Variants in THBS2 observed in about 807,000 individuals in gnomAD.
THBS2 encodes thrombospondin-2.
A neutral mutation model predicts 135.2 loss-of-function variants in THBS2; 47 were observed. The observed-to-expected ratio is 0.35, with a 90% CI of 0.28 to 0.44. The LOEUF is 0.44. Ranked by LOEUF, THBS2 falls within the 20% of genes least tolerant of loss-of-function variation. The probability of loss-of-function intolerance (pLI) is 1.00; values close to 1 mark genes in which losing one functional copy is unlikely to be tolerated. For missense variants in THBS2, 1,288 were observed against 1,603.1 expected, an observed-to-expected ratio of 0.80 and a Z score of 3.36; for synonymous variants, 639 against 633.8, an observed-to-expected ratio of 1.01 and a Z score of -0.12.
Position 169,241,749 on chromosome 6 carries a change from C to T in THBS2, c.891+13G>A, listed in dbSNP as rs375715721. ...TGCCCTATGACCCCCGCGGCCCCTGCGTGAGTACCCACCACTCTCTTGAGG... is the reference window on the plus strand; with the variant it reads ...TGCCCTATGACCCCCGCGGCCCCTGTGTGAGTACCCACCACTCTCTTGAGG... On this transcript the variant is annotated intron_variant, in intron 5 of 21. Coordinates refer to ENST00000617924, the MANE Select transcript of THBS2 (RefSeq NM_003247.5). This position sits in a 1 kb window ranked among gnomAD's most constrained non-coding sequence, Gnocchi z 5.5. 7.5e-6 allele frequency: 12 copies of T among 1,592,868 alleles called. No homozygotes were observed. The highest frequency in any genetic ancestry group is 5.4e-5 in the African/African-American group (4 of 74,608).
rs184148566 is a variant in THBS2 at position 169,253,541 on chromosome 6, C to T, written c.-23+183G>A. 2.1e-3 allele frequency among the ~76,000 whole-genome samples: 313 copies of T among 152,292 alleles called. 2 individuals carry two copies. The highest frequency in any genetic ancestry group is 7.2e-3 in the African/African-American group (299 of 41,554). On this transcript the variant is annotated intron_variant, in intron 1 of 21. Coordinates refer to ENST00000617924, the MANE Select transcript of THBS2 (RefSeq NM_003247.5). ...GCGGCCACGTGCCTTGCTCTTCAAG[C>T]GGGCAGTAGAAACACCACGTGAAGA...
At chr6:169,239,392 C>T (rs371323253) in intron 7 of THBS2, 1 of 581,158 alleles carries the variant, frequency 1.7e-6, no homozygotes, top group Non-Finnish European at 3.0e-6. Context: ...CCCACCCCCG[C>T]GTTCCCAGGG....
chr6:169,225,475 G>C lies in THBS2; in HGVS notation c.2539-96C>G, dbSNP rs1213726520. Reference sequence around the variant, plus strand: ...CGCAAGCCTGAGAGCCGGCCTCCTCGTCCTGCAGCACAAGCCCCAGGGCCA... The same window carrying C: ...CGCAAGCCTGAGAGCCGGCCTCCTCCTCCTGCAGCACAAGCCCCAGGGCCA... On this transcript the variant is annotated intron_variant, in intron 16 of 21. Coordinates refer to ENST00000617924, the MANE Select transcript of THBS2 (RefSeq NM_003247.5). 5.5e-6 allele frequency: 7 copies of C among 1,264,986 alleles called. No individual in the cohort carries two copies. In the South Asian group the frequency reaches 5.6e-5, roughly 10 times the overall value. 78.4% of individuals were successfully genotyped at this position (1,264,986 alleles called of 1,614,324 possible).
rs200191335 is a variant in THBS2 at position 169,228,218 on chromosome 6, G to A, written c.2323C>T (p.Arg775Cys). The A allele has an allele frequency of 4.9e-5, 79 of 1,614,154 alleles. No homozygotes were observed. Among genetic ancestry groups the A allele is most frequent in the Admixed American group, 3.0e-4 (18 of 60,010 alleles). The part of the protein sequence containing the change: ...ADYDKDEVGD[R>C]CDNCPYVHNP... ...TGCACGTAAGGGCAGTTGTCACAGCGGTCCCCAACCTCATCCTTGTCATAG... is the reference window on the plus strand; with the variant it reads ...TGCACGTAAGGGCAGTTGTCACAGCAGTCCCCAACCTCATCCTTGTCATAG... Residue 775 changes from arginine to cysteine, a missense_variant, in exon 15 of 22, where the codon CGC becomes TGC. By Grantham distance (180) the Arg-to-Cys change is radical. Around this residue, in one of 2 missense-constraint regions of THBS2, gnomAD observed 874 missense variants for 1,156.1 expected, o/e 0.76. Coordinates refer to ENST00000617924, the MANE Select transcript of THBS2 (RefSeq NM_003247.5).
In THBS2 at chr6:169,217,709, G is replaced by A; in HGVS notation, c.*113C>T. 8.0e-7 allele frequency: 1 copy of A among 1,248,480 alleles called. No homozygotes were observed. The highest frequency in any genetic ancestry group is 1.1e-6 in the Non-Finnish European group (1 of 891,084). 77.3% of individuals were successfully genotyped at this position (1,248,480 alleles called of 1,614,324 possible). A position where few individuals can be genotyped will look rare whatever the true frequency, so the allele number is the denominator to read the frequency against. On this transcript the variant is annotated 3_prime_UTR_variant, in exon 22 of 22. Coordinates refer to ENST00000617924, the MANE Select transcript of THBS2 (RefSeq NM_003247.5). Reference sequence around the variant, plus strand: ...GAGGTGAAGAACCATCAGAGTTAAGGTCAAGGGACAGGAGGTGCTGCTAGA... The same window carrying A: ...GAGGTGAAGAACCATCAGAGTTAAGATCAAGGGACAGGAGGTGCTGCTAGA...
chr6:169,249,669 T>C (rs1430158424), intron 2 of THBS2, among the ~76,000 whole-genome samples: 2 of 152,148 alleles, frequency 1.3e-5, no homozygotes, highest in African/African-American at 4.8e-5. Context: ...CAGAAACAAA[T>C]GGTTTTAAGT....
rs1373966855 is a variant in THBS2 at position 169,248,908 on chromosome 6, T to G, written c.118A>C (p.Ile40Leu). The G allele has an allele frequency of 6.2e-7, 1 of 1,613,568 alleles. No homozygotes were observed. Among genetic ancestry groups the G allele is most frequent in the East Asian group, 2.2e-5 (1 of 44,844 alleles). Reference protein sequence around the residue: ...FSISNINRKTIGAKQFRGPDP... With the variant: ...FSISNINRKTLGAKQFRGPDP... ...GGCCCGCGGAACTGCTTGGCGCCAA[T>G]GGTCTTGCGGTTGATGTTGCTGATA... The change falls in exon 3 of 22, where the codon ATT becomes CTT. Residue 40 changes from isoleucine to leucine, a missense_variant. Around this residue, in one of 2 missense-constraint regions of THBS2, gnomAD observed 414 missense variants for 447.0 expected, o/e 0.93. Coordinates refer to ENST00000617924, the MANE Select transcript of THBS2 (RefSeq NM_003247.5).
intron 4 of THBS2, chr6:169,245,956 T>C: frequency 2.7e-6 from 1 of 369,030 alleles, no homozygotes; most frequent in Non-Finnish European, 4.9e-6. Flanking sequence ...ATAATAAAAT[T>C]ATTTGGATGA....
chr6:169,240,177 C>G (rs1210752393), intron 6 of THBS2, among the ~76,000 whole-genome samples: 1 of 152,218 alleles, frequency 6.6e-6, no homozygotes, highest in African/African-American at 2.4e-5. Context: ...AGGGCCATGT[C>G]TGGCTTCTCT....
Position 169,248,934 on chromosome 6 carries a change from C to T in THBS2, c.92G>A (p.Ser31Asn), listed in dbSNP as rs1415241186. ...QDKDTTFDLF[S>N]ISNINRKTIG... Reference sequence around the variant, plus strand: ...GGTCTTGCGGTTGATGTTGCTGATACTGAAAAGGTCGAAGGTCGTGTCTTT... The same window carrying T: ...GGTCTTGCGGTTGATGTTGCTGATATTGAAAAGGTCGAAGGTCGTGTCTTT... Residue 31 changes from serine to asparagine, a missense_variant, in exon 3 of 22, where the codon AGT (serine) becomes AAT (asparagine). Ser to Asn is a conservative substitution (Grantham distance 46, BLOSUM62 1). Coordinates refer to ENST00000617924, the MANE Select transcript of THBS2 (RefSeq NM_003247.5). The T allele has an allele frequency of 3.1e-6, 5 of 1,612,646 alleles. No homozygotes were observed. Among genetic ancestry groups the T allele is most frequent in the Non-Finnish European group, 4.2e-6 (5 of 1,179,246 alleles).
chr6:169,217,610 T>C lies in THBS2; in HGVS notation c.*212A>G. ...ATATCACCAAACTGGTTTCCTCTAG[T>C]GGGTTAGATGTTCATCTCTGAGTTC... is the stretch of plus-strand genomic sequence containing the variant. On this transcript the variant is annotated 3_prime_UTR_variant, in exon 22 of 22. Coordinates refer to ENST00000617924, the MANE Select transcript of THBS2 (RefSeq NM_003247.5). 3.9e-6 allele frequency: 2 copies of C among 506,850 alleles called. No individual in the cohort carries two copies. The highest frequency in any genetic ancestry group is 7.0e-6 in the Non-Finnish European group (2 of 283,696). The allele number at this position is 506,850 out of a possible 1,614,324, so 31.4% of individuals were successfully genotyped here. A position where few individuals can be genotyped will look rare whatever the true frequency, so the allele number is the denominator to read the frequency against.
At chr6:169,240,216 C>T (rs554630010) in intron 6 of THBS2, among the ~76,000 whole-genome samples, 2 of 152,310 alleles carry the variant, frequency 1.3e-5, no homozygotes, top group South Asian at 2.1e-4. Context: ...CAACTGGGGA[C>T]GCTGGCCAGG....
chr6:169,239,570 G>A (rs759095440), intron 7 of THBS2, 29 bp downstream of exon 7: 137 of 1,555,202 alleles, frequency 8.8e-5, no homozygotes, highest in Non-Finnish European at 1.1e-4. Context: ...TAAAAATGCA[G>A]GATGCGCTTG....
At chr6:169,223,177 G>A in intron 18 of THBS2, 71 bp downstream of exon 18, 1 of 1,407,714 alleles carries the variant, frequency 7.1e-7, no homozygotes, top group Middle Eastern at 2.5e-4. Context: ...ATCTTAAAGT[G>A]CAGTCTGCAT....
At position 169,239,652 on chromosome 6, in the gene THBS2, G is replaced by C. The variant is rs375599652; in HGVS notation, c.1076C>G (p.Thr359Ser). The C allele has an allele frequency of 6.2e-7, 1 of 1,606,292 alleles. No homozygotes were observed. Among genetic ancestry groups the C allele is most frequent in the Non-Finnish European group, 8.5e-7 (1 of 1,176,964 alleles). Reference protein sequence around the residue: ...ICHQITCPPATCASPSFVEGE... With the variant: ...ICHQITCPPASCASPSFVEGE... Reference sequence around the variant, plus strand: ...TTCCACAAAGGATGGACTGGCGCAGGTTGCAGGCGGGCAGGTGATTTGGTG... The same window carrying C: ...TTCCACAAAGGATGGACTGGCGCAGCTTGCAGGCGGGCAGGTGATTTGGTG... The change falls in exon 7 of 22, where the codon ACC becomes AGC. Residue 359 changes from threonine to serine, a missense_variant. Physicochemically the swap from Thr to Ser is moderately conservative, Grantham distance 58 (BLOSUM62 1). Transcript: ENST00000617924.
chr6:169,243,118 TACCTTCCC>T (rs1417948887), intron 4 of THBS2, among the ~76,000 whole-genome samples: 1 of 11,338 alleles, frequency 8.8e-5, no homozygotes, highest in African/African-American at 3.7e-4. Context: ...CCACCACTCC[TACCTTCCC>T]ACCTTCCCAC....
At position 169,241,625 on chromosome 6, in the gene THBS2, C is replaced by G; in HGVS notation, c.891+137G>C. ...AGGATCCTGAGGAGCCCGGCAGACA[C>G]CTCCCCTGTGAACTGTGGGTTTTTA... is the stretch of plus-strand genomic sequence containing the variant. On this transcript the variant is annotated intron_variant, in intron 5 of 21. Transcript: ENST00000617924. This position sits in a 1 kb window ranked among gnomAD's most constrained non-coding sequence, Gnocchi z 5.5. The G allele has an allele frequency of 2.3e-6, 2 of 852,974 alleles. No homozygotes were observed. Among genetic ancestry groups the G allele is most frequent in the East Asian group, 2.5e-5 (1 of 39,540 alleles). The allele number at this position is 852,974 out of a possible 1,614,324, so 52.8% of individuals were successfully genotyped here.
chr6:169,248,861 G>A lies in THBS2; in HGVS notation c.165C>T (p.Tyr55=). 1 of 1,612,188 alleles carries A rather than the reference G, an allele frequency of 6.2e-7. No homozygotes were observed. The highest frequency in any genetic ancestry group is 8.5e-7 in the Non-Finnish European group (1 of 1,180,022). The change falls in exon 3 of 22, where the codon TAC becomes TAT. Residue 55 remains tyrosine (Y), a synonymous_variant. Coordinates refer to ENST00000617924, the MANE Select transcript of THBS2 (RefSeq NM_003247.5). ...GGATGTAGTCAAAGCGCACGAAGCG[G>A]TAAGCCGGCACGCCGGGGTCGGGCC... The part of the protein sequence containing the change: ...FRGPDPGVPA[Y]RFVRFDYIPP...
chr6:169,216,452 A>AACTT lies in THBS2; in HGVS notation c.*1366_*1369dup, dbSNP rs1472103172. ...AACAAAAAAAACAAAAACAAAAACA[A>AACTT]ACTTGTGCATATTACACATGACTGA... On this transcript the variant is annotated 3_prime_UTR_variant, in exon 22 of 22. Coordinates refer to ENST00000617924, the MANE Select transcript of THBS2 (RefSeq NM_003247.5). 2 of 152,176 alleles carry AACTT rather than the reference A, an allele frequency of 1.3e-5. No individual in the cohort carries two copies. Among genetic ancestry groups the AACTT allele is most frequent in the African/African-American group, 4.8e-5 (2 of 41,442 alleles). The allele number at this position is 152,176 out of a possible 1,614,324, so 9.4% of individuals were successfully genotyped here. A position where few individuals can be genotyped will look rare whatever the true frequency, so the allele number is the denominator to read the frequency against.
Sources: gnomAD v4.1 joint callset for allele counts (sites outside exome capture counted in the v4.1 genomes callset) on GRCh38, gnomAD v4.1.1 for gene constraint, gnomAD v4.1.1 regional missense constraint, Gnocchi (gnomAD v3.1) non-coding constraint, MANE v1.5 for transcripts, NCBI Gene and HGNC (gene_info 2026-07-23, HGNC 2026-07-21) for gene names.